TENM2: variants seen among roughly 807,000 people sequenced by gnomAD.
TENM2 encodes the protein teneurin transmembrane protein 2, also known as teneurin-2.
Under a neutral mutation model 245.2 loss-of-function variants are expected in TENM2, and 52 were observed. The ratio of observed to expected loss-of-function variants is 0.21; its 90% confidence interval spans 0.17 to 0.27. The LOEUF is 0.27. Among genes scored for constraint, TENM2 ranks in the 10% least tolerant of loss-of-function variants. The probability of loss-of-function intolerance (pLI) is 1.00; values close to 1 mark genes in which losing one functional copy is unlikely to be tolerated. For synonymous variants in TENM2, 1,363 were observed against 1,438.9 expected, an observed-to-expected ratio of 0.95 and a Z score of 1.19; for missense variants, 3,046 against 3,666.8, an observed-to-expected ratio of 0.83 and a Z score of 4.37.
the TENM2 span, among the ~76,000 whole-genome samples, chr5:167,043,069 G>T: frequency 6.6e-6 from 1 of 152,106 alleles, no homozygotes; most frequent in African/African-American, 2.4e-5. Context: ...TTTGTTCTGT[G>T]GCTAAATTGC....
At chr5:167,072,186 A>G in the TENM2 span, among the ~76,000 whole-genome samples, 15 of 152,300 alleles carry the variant, frequency 9.8e-5, no homozygotes, top group South Asian at 2.7e-3. Context: ...TTGTGTTGAC[A>G]TGTGGAGGAA....
the TENM2 span, among the ~76,000 whole-genome samples, chr5:167,237,716 T>C: frequency 6.6e-6 from 1 of 152,014 alleles, no homozygotes; most frequent in African/African-American, 2.4e-5. Flanking sequence ...ACAAATACTA[T>C]TTTAAGAAGT....
At chr5:168,172,427 C>T (rs1390969761) in intron 13 of TENM2, among the ~76,000 whole-genome samples, 1 of 152,196 alleles carries the variant, frequency 6.6e-6, no homozygotes, top group African/African-American at 2.4e-5. Context: ...TAAATCATGA[C>T]AATCCCCACA....
chr5:167,606,122 G>T (rs1020909397), intron 2 of TENM2, among the ~76,000 whole-genome samples: 4 of 152,166 alleles, frequency 2.6e-5, no homozygotes, highest in Admixed American at 1.3e-4. Flanking sequence ...GTTCATCCAC[G>T]CTGCCCTGGA....
intron 2 of TENM2, among the ~76,000 whole-genome samples, chr5:167,766,485 AT>A (rs2150739672): frequency 6.6e-6 from 1 of 152,342 alleles, no homozygotes; most frequent in East Asian, 1.9e-4. Context: ...TACAAAGTAT[AT>A]TTTTACATCC....
chr5:167,630,000 G>A (rs968782589), intron 2 of TENM2, among the ~76,000 whole-genome samples: 1 of 152,028 alleles, frequency 6.6e-6, no homozygotes, highest in Non-Finnish European at 1.5e-5. Context: ...CAGGAAATAC[G>A]TTTCAAGACT....
the TENM2 span, among the ~76,000 whole-genome samples, chr5:166,985,096 T>C: frequency 6.6e-6 from 1 of 152,196 alleles, no homozygotes; most frequent in Admixed American, 6.5e-5. Context: ...TTTTGCTCTT[T>C]ATGTCTAAAG....
At chr5:168,034,588 T>TA (rs1221516885) in intron 5 of TENM2, among the ~76,000 whole-genome samples, 2 of 150,242 alleles carry the variant, frequency 1.3e-5, no homozygotes, top group African/African-American at 4.9e-5. Context: ...ACTAAAAAAT[T>TA]AAAAATAAAA....
At chr5:167,186,216 C>T in the TENM2 span, among the ~76,000 whole-genome samples, 1 of 152,112 alleles carries the variant, frequency 6.6e-6, no homozygotes, top group South Asian at 2.1e-4. Context: ...TTTAACAATA[C>T]TCACTAAAAC....
chr5:168,094,076 A>C (rs11954164), intron 8 of TENM2, among the ~76,000 whole-genome samples: 3,591 of 150,890 alleles, frequency 0.024, 131 homozygotes, highest in African/African-American at 0.08. Context: ...CCAAGGACCT[A>C]TTGTATACCA....
intron 2 of TENM2, among the ~76,000 whole-genome samples, chr5:167,850,909 G>A (rs940307225): frequency 1.3e-5 from 2 of 152,176 alleles, no homozygotes; most frequent in Non-Finnish European, 1.5e-5. Flanking sequence ...CATTAAAAAT[G>A]CTAAATCATT....
At chr5:168,190,055 A>G (rs1210393172) in intron 13 of TENM2, among the ~76,000 whole-genome samples, 1 of 152,224 alleles carries the variant, frequency 6.6e-6, no homozygotes, top group African/African-American at 2.4e-5. Context: ...ATAGTAGAAA[A>G]AAGTAGAAAT....
At chr5:167,632,786 TA>T (rs983420610) in intron 2 of TENM2, among the ~76,000 whole-genome samples, 1 of 151,770 alleles carries the variant, frequency 6.6e-6, no homozygotes, top group South Asian at 2.1e-4. Context: ...CAACATATCT[TA>T]AAAAAAATAC....
chr5:168,099,068 C>T (rs1397174050), intron 9 of TENM2, among the ~76,000 whole-genome samples: 1 of 152,102 alleles, frequency 6.6e-6, no homozygotes, highest in Non-Finnish European at 1.5e-5. Flanking sequence ...TGCCACCACA[C>T]CCGGCTAATT....
intron 6 of TENM2, among the ~76,000 whole-genome samples, chr5:168,051,698 C>T (rs796129894): frequency 5.9e-5 from 9 of 152,304 alleles, no homozygotes; most frequent in African/African-American, 2.2e-4. Flanking sequence ...AACACCAGCT[C>T]CATCACTTAG....
chr5:167,400,811 C>G (rs1762323689), intron 2 of TENM2, among the ~76,000 whole-genome samples: 1 of 152,094 alleles, frequency 6.6e-6, no homozygotes, highest in African/African-American at 2.4e-5. Flanking sequence ...GCAAGGTCAA[C>G]CATGCCATAA....
intron 2 of TENM2, among the ~76,000 whole-genome samples, chr5:167,525,303 A>T (rs984434436): frequency 2.0e-5 from 3 of 152,192 alleles, no homozygotes; most frequent in African/African-American, 7.2e-5. Flanking sequence ...TTTTAATGTT[A>T]AGAAATAATA....
chr5:167,108,943 A>G, the TENM2 span, among the ~76,000 whole-genome samples: 2 of 152,314 alleles, frequency 1.3e-5, no homozygotes, highest in Non-Finnish European at 2.9e-5. Context: ...CCAAATAATG[A>G]ACTGGGGAGT....
chr5:167,232,457 C>T, the TENM2 span, among the ~76,000 whole-genome samples: 1 of 152,004 alleles, frequency 6.6e-6, no homozygotes, highest in African/African-American at 2.4e-5. Context: ...ACTGCAACCT[C>T]TGCCTCCCAG....
Sources: allele counts gnomAD v4.1 joint callset (sites outside exome capture counted in the v4.1 genomes callset), GRCh38; gene constraint gnomAD v4.1.1; transcripts MANE v1.5; gene names NCBI Gene and HGNC (gene_info 2026-07-23, HGNC 2026-07-21).